The following TMIGD3 variants were observed in gnomAD, a reference collection of about 807,000 sequenced individuals.
TMIGD3 encodes the protein transmembrane and immunoglobulin domain containing 3, also known as AD026 protein (AD026).
In TMIGD3, 21 loss-of-function variants were observed where a neutral mutation model predicts 28.1. The observed-to-expected ratio is 0.75, with a 90% CI of 0.53 to 1.08. The LOEUF is 1.08. Among genes scored for constraint, TMIGD3 ranks in the 50% least tolerant of loss-of-function variants. The probability of loss-of-function intolerance (pLI) is 0.00; values close to 1 mark genes in which losing one functional copy is unlikely to be tolerated. For missense variants in TMIGD3, 416 were observed against 435.6 expected (o/e 0.96, Z 0.40); for synonymous variants, 151 against 162.1 (o/e 0.93, Z 0.52).
intron 1 of TMIGD3, among the ~76,000 whole-genome samples, chr1:111,520,085 C>A (rs1656005737): frequency 6.6e-6 from 1 of 152,298 alleles, no homozygotes; most frequent in South Asian, 2.1e-4. Context: ...CGAACAGGAA[C>A]CTCTTTCCAT....
chr1:111,530,018 C>A (rs1254424056), intron 1 of TMIGD3, among the ~76,000 whole-genome samples: 1 of 144,614 alleles, frequency 6.9e-6, no homozygotes, highest in Non-Finnish European at 1.5e-5. Flanking sequence ...CCACCTCCCT[C>A]CCGGACGGGG....
At chr1:111,512,285 G>A (rs1323989338) in intron 1 of TMIGD3, among the ~76,000 whole-genome samples, 1 of 152,238 alleles carries the variant, frequency 6.6e-6, no homozygotes, top group East Asian at 1.9e-4. Context: ...TTCAGCTGCA[G>A]TGAGACACAG....
chr1:111,531,360 C>A (rs144620347), intron 1 of TMIGD3, among the ~76,000 whole-genome samples: 5 of 151,706 alleles, frequency 3.3e-5, no homozygotes, highest in Non-Finnish European at 7.4e-5. Flanking sequence ...TATGTCTTCA[C>A]GTTTACTGAT....
At chr1:111,490,820 G>A (rs966825346) in intron 1 of TMIGD3, 58 bp from the exon 2 acceptor site, 7 of 1,337,316 alleles carry the variant, frequency 5.2e-6, no homozygotes, top group African/African-American at 1.5e-5. Flanking sequence ...GGTTTGAAGA[G>A]ACCAGTGAAA....
chr1:111,558,631 G>A (rs930893183), intron 1 of TMIGD3, among the ~76,000 whole-genome samples: 2 of 151,122 alleles, frequency 1.3e-5, no homozygotes, highest in Admixed American at 6.5e-5. Flanking sequence ...TATAATACAT[G>A]ACTATCAGAC....
intron 1 of TMIGD3, among the ~76,000 whole-genome samples, chr1:111,562,281 G>T (rs1410721587): frequency 6.6e-6 from 1 of 152,120 alleles, no homozygotes; most frequent in East Asian, 1.9e-4. Flanking sequence ...CAGCACTTCA[G>T]TATTTCAATA....
chr1:111,485,639 A>G (rs1571395422), intron 5 of TMIGD3, 101 bp downstream of exon 5: 1 of 912,948 alleles, frequency 1.1e-6, no homozygotes, highest in East Asian at 2.6e-5. Flanking sequence ...GTGACCAGGC[A>G]ATATGAAGAG....
At chr1:111,543,035 CAA>C (rs1459007681) in intron 1 of TMIGD3, among the ~76,000 whole-genome samples, 1 of 152,082 alleles carries the variant, frequency 6.6e-6, no homozygotes, top group African/African-American at 2.4e-5. Flanking sequence ...AAACTAAAAT[CAA>C]AAGTCTATTT....
chr1:111,523,315 C>CAAG (rs1656143934), intron 1 of TMIGD3, among the ~76,000 whole-genome samples: 2 of 152,156 alleles, frequency 1.3e-5, no homozygotes, highest in Non-Finnish European at 2.9e-5. Context: ...CCTCTCATTT[C>CAAG]TGGGATAAAG....
intron 1 of TMIGD3, among the ~76,000 whole-genome samples, chr1:111,533,279 C>T (rs1051800584): frequency 6.6e-6 from 1 of 152,174 alleles, no homozygotes; most frequent in East Asian, 1.9e-4. Context: ...CCTCACCATA[C>T]CTTGATTCCT....
At chr1:111,507,033 GTGTGTGTATATA>G (rs748043593), upstream of TMIGD3, among the ~76,000 whole-genome samples, 92 of 37,182 alleles carry the variant, frequency 2.5e-3, no homozygotes, top group Middle Eastern at 0.013. Flanking sequence ...GTGTGTGTGT[GTGTGTGTATATA>G]TATATATATA....
chr1:111,503,071 TG>T lies in TMIGD3; in HGVS notation c.283del (p.His95ThrfsTer38). On this transcript the variant is annotated frameshift_variant, in exon 1 of 6. Transcript: ENST00000369716. LOFTEE classifies it high-confidence loss of function. ...FMTCLLLIFT[H>X]ASIMSLLAIA... ...GGCCAGCAAGGACATGATGGAGGCG[TG>T]GGTAAAGATAAGCAGTAGGCAAGTC... 1 of 1,613,852 alleles carries T rather than the reference TG, an allele frequency of 6.2e-7. No homozygotes were observed. The highest frequency in any genetic ancestry group is 8.5e-7 in the Non-Finnish European group (1 of 1,179,976).
chr1:111,511,674 T>TACACACACACACACACAC (rs72064023), intron 1 of TMIGD3, among the ~76,000 whole-genome samples: 1,595 of 148,914 alleles, frequency 0.011, 41 homozygotes, highest in East Asian at 0.081. Context: ...TGGTGCCCTT[T>TACACACACACACACACAC]ACACACACAC....
intron 1 of TMIGD3, among the ~76,000 whole-genome samples, chr1:111,536,841 C>T (rs998179564): frequency 6.6e-6 from 1 of 152,158 alleles, no homozygotes; most frequent in Non-Finnish European, 1.5e-5. Context: ...CATTCATCCC[C>T]CAGGCCCAAG....
At chr1:111,534,168 G>A (rs1197840426) in intron 1 of TMIGD3, among the ~76,000 whole-genome samples, 2 of 152,096 alleles carry the variant, frequency 1.3e-5, no homozygotes, top group Non-Finnish European at 2.9e-5. Context: ...TGCCATGCAT[G>A]TTGTTCTACA....
At chr1:111,554,839 T>C (rs1015548930) in intron 1 of TMIGD3, among the ~76,000 whole-genome samples, 1 of 151,978 alleles carries the variant, frequency 6.6e-6, no homozygotes, top group African/African-American at 2.4e-5. Flanking sequence ...AATCTAAGAA[T>C]CTAAAAAAGT....
At chr1:111,518,238 C>T (rs1571430636) in intron 1 of TMIGD3, among the ~76,000 whole-genome samples, 1 of 152,234 alleles carries the variant, frequency 6.6e-6, no homozygotes, top group East Asian at 1.9e-4. Flanking sequence ...GGGTTTTAAT[C>T]AGCCACACTG....
At chr1:111,514,491 C>T (rs865849450) in intron 1 of TMIGD3, among the ~76,000 whole-genome samples, 1 of 151,976 alleles carries the variant, frequency 6.6e-6, no homozygotes, top group South Asian at 2.1e-4. Context: ...GAGGTTGAGG[C>T]TGCAGTAAGC....
intron 1 of TMIGD3, among the ~76,000 whole-genome samples, chr1:111,531,193 G>A (rs868417956): frequency 9.9e-5 from 15 of 151,956 alleles, no homozygotes; most frequent in African/African-American, 2.7e-4. Flanking sequence ...TGGGAGGATC[G>A]CTTGAGCCTG....
Sources: gnomAD v4.1 joint callset for allele counts (sites outside exome capture counted in the v4.1 genomes callset) on GRCh38, gnomAD v4.1.1 for gene constraint, MANE v1.5 for transcripts, NCBI Gene and HGNC (gene_info 2026-07-23, HGNC 2026-07-21) for gene names.